FAR1: variants seen among roughly 807,000 people sequenced by gnomAD.
FAR1 encodes the protein fatty acyl-CoA reductase 1, also known as male sterility domain-containing protein 2.
FAR1 carries 22 observed loss-of-function variants against 61.1 expected under a neutral mutation model. The ratio of observed to expected loss-of-function variants is 0.36; its 90% CI spans 0.26 to 0.51. FAR1 has a LOEUF of 0.51. FAR1 is among the 20% of genes least tolerant of loss of function. The probability of loss-of-function intolerance (pLI) is 0.95; values close to 1 mark genes in which losing one functional copy is unlikely to be tolerated. For synonymous variants in FAR1, 206 were observed against 209.7 expected (o/e 0.98, Z 0.15); for missense variants, 359 against 626.9 (o/e 0.57, Z 4.56).
intron 1 of FAR1, among the ~76,000 whole-genome samples, chr11:13,692,100 A>G (rs1160107473): frequency 6.6e-6 from 1 of 152,058 alleles, no homozygotes; most frequent in Non-Finnish European, 1.5e-5. Flanking sequence ...CCAGGAGGTA[A>G]AGGATGCAGT....
chr11:13,722,858 C>CTCTCTATA (rs905924337), intron 10 of FAR1, among the ~76,000 whole-genome samples: 14 of 147,872 alleles, frequency 9.5e-5, no homozygotes, highest in African/African-American at 3.3e-4. Flanking sequence ...CTCTCTCTCT[C>CTCTCTATA]TATATATATA....
At position 13,732,094 on chromosome 11, in the gene FAR1, G is replaced by GATT. The variant is rs35354720; in HGVS notation, c.*3322_*3324dup. The stretch of plus-strand genomic sequence containing the variant: ...AAAAGGAATGTATGCCACGTAACTG[G>GATT]ATTACAGAAATGAGTTAATTGTCTC... On this transcript the variant is annotated 3_prime_UTR_variant, in exon 12 of 12. Coordinates refer to ENST00000354817, the MANE Select transcript of FAR1 (RefSeq NM_032228.6). The GATT allele has an allele frequency of 6.6e-6, 1 of 151,116 alleles. No individual in the cohort carries two copies. Among genetic ancestry groups the GATT allele is most frequent in the Non-Finnish European group, 1.5e-5 (1 of 67,884 alleles). 9.4% of individuals were successfully genotyped at this position (151,116 alleles called of 1,614,324 possible).
intron 8 of FAR1, among the ~76,000 whole-genome samples, chr11:13,714,165 T>C (rs1223446713): frequency 6.6e-6 from 1 of 152,056 alleles, no homozygotes; most frequent in Admixed American, 6.6e-5. Context: ...AATAAGAGTC[T>C]GGAAAGAGGA....
chr11:13,703,179 T>C (rs1848395955), intron 3 of FAR1, among the ~76,000 whole-genome samples: 2 of 151,974 alleles, frequency 1.3e-5, no homozygotes, highest in African/African-American at 4.8e-5. Flanking sequence ...TTTGTTTTTG[T>C]TTTTGTTTTT....
chr11:13,725,300 AG>A (rs1170957092), intron 10 of FAR1, among the ~76,000 whole-genome samples: 1 of 152,210 alleles, frequency 6.6e-6, no homozygotes, highest in African/African-American at 2.4e-5. Context: ...AGTGTATGAG[AG>A]TTCCTGTTAA....
intron 2 of FAR1, among the ~76,000 whole-genome samples, chr11:13,696,286 G>A (rs1409220568): frequency 6.6e-6 from 1 of 152,028 alleles, no homozygotes; most frequent in African/African-American, 2.4e-5. Context: ...GCTTAGTCCT[G>A]GGCACTTGAC....
intron 3 of FAR1, among the ~76,000 whole-genome samples, chr11:13,706,519 GGT>G (rs1243479091): frequency 6.6e-6 from 1 of 151,400 alleles, no homozygotes; most frequent in African/African-American, 2.4e-5. Flanking sequence ...AATTGACAAA[GGT>G]ATATATATTT....
intron 1 of FAR1, among the ~76,000 whole-genome samples, chr11:13,678,273 C>CT (rs963181987): frequency 7.6e-4 from 115 of 151,212 alleles, no homozygotes; most frequent in African/African-American, 2.6e-3. Flanking sequence ...GTCATGTTTT[C>CT]TTTTTTTTTG....
At chr11:13,702,006 A>AC (rs1565345968) in intron 3 of FAR1, among the ~76,000 whole-genome samples, 1 of 151,284 alleles carries the variant, frequency 6.6e-6, no homozygotes, top group African/African-American at 2.4e-5. Context: ...TCAAAAGATT[A>AC]TTTTTTTTTC....
chr11:13,687,269 A>G (rs1848197226), intron 1 of FAR1, among the ~76,000 whole-genome samples: 1 of 152,216 alleles, frequency 6.6e-6, no homozygotes, highest in African/African-American at 2.4e-5. Context: ...GTGTGTTTTG[A>G]ACAAAATAGC....
At chr11:13,696,058 T>A (rs551526589) in intron 2 of FAR1, among the ~76,000 whole-genome samples, 1 of 152,262 alleles carries the variant, frequency 6.6e-6, no homozygotes, top group Admixed American at 6.5e-5. Flanking sequence ...GAAAGAGTCA[T>A]CAATGGGGCT....
chr11:13,718,399 T>C (rs1163094187), intron 9 of FAR1, among the ~76,000 whole-genome samples: 2 of 152,224 alleles, frequency 1.3e-5, no homozygotes, highest in Non-Finnish European at 2.9e-5. Context: ...ACACTTTCTA[T>C]ATTCCATATA....
At chr11:13,703,758 G>A (rs1169805359) in intron 3 of FAR1, among the ~76,000 whole-genome samples, 1 of 152,100 alleles carries the variant, frequency 6.6e-6, no homozygotes, top group African/African-American at 2.4e-5. Flanking sequence ...AAAAGTGTGG[G>A]GAGGGCTGGG....
At chr11:13,690,111 A>G (rs943961316) in intron 1 of FAR1, among the ~76,000 whole-genome samples, 7 of 151,946 alleles carry the variant, frequency 4.6e-5, no homozygotes, top group Non-Finnish European at 1.0e-4. Context: ...TCCTGACCTC[A>G]GGTAATCTGC....
chr11:13,716,349 G>C (rs1591269890), intron 9 of FAR1, among the ~76,000 whole-genome samples: 1 of 152,180 alleles, frequency 6.6e-6, no homozygotes, highest in African/African-American at 2.4e-5. Context: ...CTCAAACTTA[G>C]AAGCTAAAAA....
chr11:13,677,595 T>C (rs1474089204), intron 1 of FAR1, among the ~76,000 whole-genome samples: 1 of 152,220 alleles, frequency 6.6e-6, no homozygotes, highest in Non-Finnish European at 1.5e-5. Flanking sequence ...TTCTGAGTTC[T>C]TTTGCCACAT....
chr11:13,682,676 A>T (rs575307539), intron 1 of FAR1, among the ~76,000 whole-genome samples: 1 of 152,274 alleles, frequency 6.6e-6, no homozygotes, highest in Non-Finnish European at 1.5e-5. Context: ...TGGCACAATT[A>T]TGGCTAACTG....
chr11:13,710,545 TA>T lies in FAR1; in HGVS notation c.546-146del, dbSNP rs1386151049. 8.0e-6 allele frequency: 5 copies of T among 622,836 alleles called. No homozygotes were observed. In the African/African-American group the frequency reaches 9.7e-5, roughly 12 times the overall value. 38.6% of individuals were successfully genotyped at this position (622,836 alleles called of 1,614,324 possible). On this transcript the variant is annotated intron_variant, in intron 4 of 11. Transcript: ENST00000354817. The stretch of plus-strand genomic sequence containing the variant: ...ACCTGTAGTTGATGTTTAAGAAAAA[TA>T]AGACTAAGTTCCATTTTTCAGTAAA...
chr11:13,708,476 C>CACAT (rs1555064004), intron 4 of FAR1, among the ~76,000 whole-genome samples: 2 of 124,300 alleles, frequency 1.6e-5, no homozygotes, highest in African/African-American at 2.9e-5. Context: ...CACACACACA[C>CACAT]ATACATTTAT....
Sources: allele counts gnomAD v4.1 joint callset (sites outside exome capture counted in the v4.1 genomes callset), GRCh38; gene constraint gnomAD v4.1.1; transcripts MANE v1.5; gene names NCBI Gene and HGNC (gene_info 2026-07-23, HGNC 2026-07-21).